Variants in ZNF682 observed in about 807,000 individuals in gnomAD.
ZNF682 encodes zinc finger protein 682.
A neutral mutation model predicts 36.5 loss-of-function variants in ZNF682; 29 were observed. The observed-to-expected ratio is 0.80, with a 90% CI of 0.59 to 1.08. The LOEUF is 1.08. Ranked by LOEUF, ZNF682 falls within the 50% of genes least tolerant of loss-of-function variation. ZNF682 has a pLI of 0.00. For synonymous variants in ZNF682, 180 were observed against 197.0 expected (o/e 0.91, Z 0.72); for missense variants, 561 against 579.7 (o/e 0.97, Z 0.33).
intron 1 of ZNF682, among the ~76,000 whole-genome samples, chr19:20,038,394 G>C (rs914731173): frequency 3.3e-5 from 5 of 152,200 alleles, no homozygotes; most frequent in Admixed American, 6.5e-5. Context: ...ATAATGTTGT[G>C]AATTAGAGAG....
At chr19:20,027,703 G>A (rs1238694095) in intron 1 of ZNF682, among the ~76,000 whole-genome samples, 3 of 151,744 alleles carry the variant, frequency 2.0e-5, no homozygotes, top group Non-Finnish European at 2.9e-5. Context: ...AGGTTGTGGT[G>A]AGCCGAGATC....
chr19:20,019,289 G>T (rs2088364229), intron 3 of ZNF682, among the ~76,000 whole-genome samples: 1 of 152,048 alleles, frequency 6.6e-6, no homozygotes, highest in South Asian at 2.1e-4. Flanking sequence ...GGCCTTTTGA[G>T]CCACTGGTAG....
At chr19:20,019,887 G>A (rs2088368789) in intron 3 of ZNF682, among the ~76,000 whole-genome samples, 1 of 151,762 alleles carries the variant, frequency 6.6e-6, no homozygotes, top group Non-Finnish European at 1.5e-5. Context: ...GTGTAACAAG[G>A]TTGCACTTGT....
At chr19:20,031,850 G>A (rs1311747308) in intron 1 of ZNF682, among the ~76,000 whole-genome samples, 1 of 77,708 alleles carries the variant, frequency 1.3e-5, no homozygotes, top group Non-Finnish European at 2.8e-5. Context: ...GCTGAGGCAA[G>A]AGAATGGCTA....
At chr19:20,008,911 T>C (rs2122311050) in intron 3 of ZNF682, among the ~76,000 whole-genome samples, 1 of 152,216 alleles carries the variant, frequency 6.6e-6, no homozygotes, top group African/African-American at 2.4e-5. Context: ...CAGGAACTTA[T>C]CTACAACCAA....
At chr19:20,015,565 A>C in intron 3 of ZNF682, 1 of 395,870 alleles carries the variant, frequency 2.5e-6, no homozygotes, top group Non-Finnish European at 3.4e-6. Context: ...AAGAAACTAT[A>C]ACCCATAAAA....
rs1021192309 is a variant in ZNF682 at position 20,039,453 on chromosome 19, G to A, written c.-108C>T. On this transcript the variant is annotated 5_prime_UTR_variant, in exon 1 of 4. Coordinates refer to ENST00000397165, the MANE Select transcript of ZNF682 (RefSeq NM_033196.3). Reference sequence around the variant, plus strand: ...GTCACCGGGAACTACTAGAGCAGAGGATACTAAGCAATGAAGATGGACCCT... The same window carrying A: ...GTCACCGGGAACTACTAGAGCAGAGAATACTAAGCAATGAAGATGGACCCT... 1.4e-6 allele frequency: 2 copies of A among 1,469,308 alleles called. No individual in the cohort carries two copies. The highest frequency in any genetic ancestry group is 1.4e-5 in the African/African-American group (1 of 72,184). The allele number at this position is 1,469,308 out of a possible 1,614,324, so 91.0% of individuals were successfully genotyped here.
rs1360102652 is a variant in ZNF682 at position 20,006,466 on chromosome 19, A to G, written c.1036T>C (p.Cys346Arg). Residue 346 changes from cysteine (C) to arginine (R), a missense_variant, in exon 4 of 4, where the codon TGT becomes CGT. Coordinates refer to ENST00000397165, the MANE Select transcript of ZNF682 (RefSeq NM_033196.3). Reference sequence around the variant, plus strand: ...GATGATGAGTTAAAAGCTTTGCCACATTCTTCACATTTATAGGGTTTCTCT... The same window carrying G: ...GATGATGAGTTAAAAGCTTTGCCACGTTCTTCACATTTATAGGGTTTCTCT... ...TGEKPYKCEE[C>R]GKAFNSSSIL... The G allele has an allele frequency of 8.7e-6, 14 of 1,614,076 alleles. No individual in the cohort carries two copies. The highest frequency in any genetic ancestry group is 1.2e-5 in the Non-Finnish European group (14 of 1,180,012).
intron 3 of ZNF682, among the ~76,000 whole-genome samples, chr19:20,021,206 G>T (rs895382000): frequency 6.6e-5 from 10 of 152,220 alleles, no homozygotes; most frequent in Admixed American, 4.6e-4. Context: ...CAGCCAGCAG[G>T]ACATGAGTTG....
chr19:19,995,841 A>T (rs74712722), downstream of ZNF682, among the ~76,000 whole-genome samples: 9,624 of 152,184 alleles, frequency 0.063, 511 homozygotes, highest in East Asian at 0.19. Flanking sequence ...CATGAACATA[A>T]CATCTCAGTC....
chr19:20,039,138 G>C (rs2088560893), intron 1 of ZNF682: 3 of 1,397,832 alleles, frequency 2.1e-6, no homozygotes, highest in East Asian at 2.6e-5. Flanking sequence ...AGAACGGAAC[G>C]GGATGCCCGC....
intron 1 of ZNF682, among the ~76,000 whole-genome samples, chr19:20,031,679 AC>A (rs1555787966): frequency 6.6e-6 from 1 of 152,120 alleles, no homozygotes; most frequent in Non-Finnish European, 1.5e-5. Flanking sequence ...ACGGTGGCTC[AC>A]CCCTGTAATC....
At chr19:20,015,443 A>G in intron 3 of ZNF682, 1 of 979,776 alleles carries the variant, frequency 1.0e-6, no homozygotes, top group Non-Finnish European at 1.2e-6. Context: ...AGAGCTGAAT[A>G]CTGTCATACA....
At chr19:20,036,683 T>C (rs72994642) in intron 1 of ZNF682, among the ~76,000 whole-genome samples, 1 of 151,108 alleles carries the variant, frequency 6.6e-6, no homozygotes, top group Admixed American at 6.6e-5. Flanking sequence ...AAAAGTTTTC[T>C]AGGCCGGGCA....
In ZNF682 at chr19:20,008,791, C is replaced by T. The variant is rs535116470; in HGVS notation, c.227-1516G>A. On this transcript the variant is annotated intron_variant, in intron 3 of 3. Transcript: ENST00000397165. ...AAGAAAATAATCTCTCACACACTATCTTCCCTCCCCAGAGCACTCTTAAGT... is the reference window on the plus strand; with the variant it reads ...AAGAAAATAATCTCTCACACACTATTTTCCCTCCCCAGAGCACTCTTAAGT... Among the ~76,000 whole-genome samples, 3 of 152,250 alleles carry T rather than the reference C, an allele frequency of 2.0e-5. No homozygotes were observed. In the East Asian group the frequency reaches 5.8e-4, roughly 30 times the overall value.
chr19:20,013,641 C>T (rs867768732), intron 3 of ZNF682, among the ~76,000 whole-genome samples: 3 of 152,144 alleles, frequency 2.0e-5, no homozygotes, highest in Admixed American at 6.5e-5. Context: ...AGCGCAGTGG[C>T]GCGATCTGGG....
downstream of ZNF682, among the ~76,000 whole-genome samples, chr19:20,000,522 G>A (rs2088160405): frequency 6.6e-6 from 1 of 152,122 alleles, no homozygotes; most frequent in African/African-American, 2.4e-5. Flanking sequence ...TGTATTGCAG[G>A]GGCATCAAGA....
intron 3 of ZNF682, among the ~76,000 whole-genome samples, chr19:20,021,676 T>A (rs6511066): frequency 0.8 from 121,503 of 152,114 alleles, 48,721 homozygotes; most frequent in Middle Eastern, 0.9. Flanking sequence ...ATGTGTGGGT[T>A]TATTTGTGTG....
rs2088195599 is a variant in ZNF682 at position 20,004,682 on chromosome 19, A to G, written c.*1323T>C. ...TCTTCTGTTGAAAAGTATGTAAATG[A>G]CATCCTAATATAGAACTTCTCAAAC... On this transcript the variant is annotated 3_prime_UTR_variant, in exon 4 of 4. Coordinates refer to ENST00000397165, the MANE Select transcript of ZNF682 (RefSeq NM_033196.3). 6.6e-6 allele frequency: 1 copy of G among 152,218 alleles called. No individual in the cohort carries two copies. The allele number at this position is 152,218 out of a possible 1,614,324, so 9.4% of individuals were successfully genotyped here.
Sources: gnomAD v4.1 joint callset for allele counts (sites outside exome capture counted in the v4.1 genomes callset) on GRCh38, gnomAD v4.1.1 for gene constraint, MANE v1.5 for transcripts, NCBI Gene and HGNC (gene_info 2026-07-23, HGNC 2026-07-21) for gene names.